The following HTR1F variants were observed in gnomAD, a reference collection of about 807,000 sequenced individuals.
The protein encoded by HTR1F is 5-hydroxytryptamine receptor 1F.
In HTR1F, 17 loss-of-function variants were observed where a neutral mutation model predicts 24.0. That is an observed-to-expected ratio of 0.71 (90% CI 0.48 to 1.06). The LOEUF (loss-of-function observed/expected upper bound fraction) is 1.06, where lower values mean the gene tolerates loss of function less well. Ranked by LOEUF, HTR1F falls within the 50% of genes least tolerant of loss-of-function variation. The pLI is 0.00. For synonymous variants in HTR1F, 186 were observed against 156.8 expected (o/e 1.19, Z -1.39); for missense variants, 391 against 427.8 (o/e 0.91, Z 0.76).
chr3:87,903,104 C>T (rs1706369362), intron 2 of HTR1F, among the ~76,000 whole-genome samples: 1 of 151,962 alleles, frequency 6.6e-6, no homozygotes, highest in Non-Finnish European at 1.5e-5. Context: ...CCCTTCCTTA[C>T]ACCTTATACA....
intron 1 of HTR1F, among the ~76,000 whole-genome samples, chr3:87,804,174 A>G (rs1044234926): frequency 1.3e-5 from 2 of 152,150 alleles, no homozygotes; most frequent in African/African-American, 4.8e-5. Flanking sequence ...TTTGTTTCAT[A>G]TTTCTCACCA....
At chr3:87,875,457 GA>G (rs370325131) in intron 2 of HTR1F, among the ~76,000 whole-genome samples, 3,374 of 137,288 alleles carry the variant, frequency 0.025, 132 homozygotes, top group African/African-American at 0.084. Context: ...CTCAAAAAAA[GA>G]AAAAAAAAAC....
At chr3:87,923,378 A>C (rs1377983316) in intron 2 of HTR1F, among the ~76,000 whole-genome samples, 2 of 151,688 alleles carry the variant, frequency 1.3e-5, no homozygotes, top group Non-Finnish European at 3.0e-5. Flanking sequence ...CAATCCATAA[A>C]CACAAGATGT....
At chr3:87,904,084 A>G (rs1209272796) in intron 2 of HTR1F, among the ~76,000 whole-genome samples, 6 of 152,150 alleles carry the variant, frequency 3.9e-5, no homozygotes, top group Non-Finnish European at 8.8e-5. Context: ...TAATTCACAA[A>G]AAAGGATAGG....
At position 87,937,369 on chromosome 3, in the gene HTR1F, G is replaced by C. The variant is rs569980964; in HGVS notation, c.-42-53339G>C. On this transcript the variant is annotated intron_variant, in intron 2 of 2. Coordinates refer to ENST00000319595, the MANE Select transcript of HTR1F (RefSeq NM_001322209.2). ...AGGTAAACAGAACTAAAAACAAAAC[G>C]ACATGATTGTCTCAGTAGATGCAGA... 3.3e-5 allele frequency among the ~76,000 whole-genome samples: 5 copies of C among 152,124 alleles called. No individual in the cohort carries two copies. In the South Asian group the frequency reaches 1.0e-3, roughly 32 times the overall value.
chr3:87,976,888 C>G (rs1705406763), intron 2 of HTR1F, among the ~76,000 whole-genome samples: 1 of 152,142 alleles, frequency 6.6e-6, no homozygotes, highest in Non-Finnish European at 1.5e-5. Flanking sequence ...TATCCAATGT[C>G]ACTATGGTGT....
intron 2 of HTR1F, among the ~76,000 whole-genome samples, chr3:87,828,202 G>A (rs1704503964): frequency 6.6e-6 from 1 of 152,144 alleles, no homozygotes; most frequent in African/African-American, 2.4e-5. Flanking sequence ...GCATTCTTCA[G>A]TTGGTAGATG....
intron 2 of HTR1F, among the ~76,000 whole-genome samples, chr3:87,965,099 T>G (rs1366093618): frequency 5.9e-5 from 9 of 152,202 alleles, no homozygotes; most frequent in Non-Finnish European, 8.8e-5. Context: ...AATTATCCAG[T>G]CTCAGCTATG....
intron 2 of HTR1F, among the ~76,000 whole-genome samples, chr3:87,834,797 A>T (rs1424857122): frequency 1.3e-5 from 2 of 152,228 alleles, no homozygotes; most frequent in African/African-American, 2.4e-5. Flanking sequence ...ATTATAGGAA[A>T]TTCAAATTTC....
At chr3:87,962,253 GA>G (rs1190581551) in intron 2 of HTR1F, among the ~76,000 whole-genome samples, 1 of 152,030 alleles carries the variant, frequency 6.6e-6, no homozygotes, top group African/African-American at 2.4e-5. Flanking sequence ...ATTCAAGGGG[GA>G]AAATGGAAAA....
chr3:87,820,129 A>G (rs1704326755), intron 1 of HTR1F, among the ~76,000 whole-genome samples: 1 of 151,998 alleles, frequency 6.6e-6, no homozygotes, highest in South Asian at 2.1e-4. Context: ...AAAAGAACAG[A>G]TATGAGTAAA....
intron 1 of HTR1F, among the ~76,000 whole-genome samples, chr3:87,811,624 C>T (rs1704162681): frequency 6.6e-6 from 1 of 152,088 alleles, no homozygotes; most frequent in Admixed American, 6.6e-5. Context: ...AAAAAAACAG[C>T]TTGAGGAGAA....
intron 2 of HTR1F, among the ~76,000 whole-genome samples, chr3:87,856,765 G>A (rs980056837): frequency 5.3e-5 from 8 of 152,056 alleles, no homozygotes; most frequent in African/African-American, 1.4e-4. Context: ...GTAAATATGT[G>A]CATTCAGACA....
intron 2 of HTR1F, among the ~76,000 whole-genome samples, chr3:87,931,990 A>G (rs909296199): frequency 6.6e-6 from 1 of 151,960 alleles, no homozygotes; most frequent in Non-Finnish European, 1.5e-5. Flanking sequence ...CCCATTCTGT[A>G]GGTTGCCTGT....
chr3:87,950,668 T>C (rs1182161659), intron 2 of HTR1F, among the ~76,000 whole-genome samples: 2 of 152,122 alleles, frequency 1.3e-5, no homozygotes. Flanking sequence ...TGGCAAGTCA[T>C]CAGTGCATTT....
chr3:87,952,560 T>C (rs1704856514), intron 2 of HTR1F, among the ~76,000 whole-genome samples: 1 of 151,970 alleles, frequency 6.6e-6, no homozygotes, highest in South Asian at 2.1e-4. Context: ...ATCAATAAAT[T>C]GCGATCAGCC....
At chr3:87,855,773 C>T (rs1347474879) in intron 2 of HTR1F, among the ~76,000 whole-genome samples, 1 of 152,066 alleles carries the variant, frequency 6.6e-6, no homozygotes, top group Non-Finnish European at 1.5e-5. Flanking sequence ...AATCTCTCTC[C>T]ATTCTGCTGT....
At chr3:87,912,368 G>A (rs1212985158) in intron 2 of HTR1F, among the ~76,000 whole-genome samples, 1 of 151,994 alleles carries the variant, frequency 6.6e-6, no homozygotes, top group Non-Finnish European at 1.5e-5. Flanking sequence ...AACCATGGAG[G>A]TGAAAGATTT....
At chr3:87,968,215 A>ATTT (rs946689385) in intron 2 of HTR1F, among the ~76,000 whole-genome samples, 1 of 145,734 alleles carries the variant, frequency 6.9e-6, no homozygotes, top group African/African-American at 2.5e-5. Flanking sequence ...AGCAGAAGAA[A>ATTT]TTTTTTTTTT....
Sources: gnomAD v4.1 joint callset for allele counts (sites outside exome capture counted in the v4.1 genomes callset) on GRCh38, gnomAD v4.1.1 for gene constraint, MANE v1.5 for transcripts, NCBI Gene and HGNC (gene_info 2026-07-23, HGNC 2026-07-21) for gene names.